Variants in DACH2 observed in about 807,000 individuals in gnomAD.
DACH2 encodes dachshund family transcription factor 2.
A neutral mutation model predicts 35.8 loss-of-function variants in DACH2; 17 were observed. The ratio of observed to expected loss-of-function variants is 0.48; its 90% CI spans 0.33 to 0.71. The LOEUF is 0.71. DACH2 is among the 30% of genes least tolerant of loss of function. The pLI, the probability that DACH2 is intolerant of heterozygous loss-of-function variation, is 0.02. For missense variants in DACH2, 469 were observed against 472.7 expected (o/e 0.99, Z 0.07); for synonymous variants, 195 against 177.3 (o/e 1.10, Z -0.79).
intron 1 of DACH2, among the ~76,000 whole-genome samples, chrX:86,242,924 G>T (rs1239740611): frequency 9.0e-6 from 1 of 111,147 alleles, no homozygotes; most frequent in Non-Finnish European, 1.9e-5. Flanking sequence ...AGTTTTCTGA[G>T]GCCTCATAGC....
intron 1 of DACH2, among the ~76,000 whole-genome samples, chrX:86,179,173 T>A (rs1180834408): frequency 8.9e-6 from 1 of 112,001 alleles, no homozygotes; most frequent in East Asian, 2.8e-4. Flanking sequence ...TAAAATTGAT[T>A]GTCTTCTAAA....
At chrX:86,530,895 G>C in intron 3 of DACH2, among the ~76,000 whole-genome samples, 1 of 111,692 alleles carries the variant, frequency 9.0e-6, no homozygotes, top group Non-Finnish European at 1.9e-5. Flanking sequence ...TCCAGGCTGA[G>C]GTGGTCTCAG....
chrX:86,280,641 A>G (rs754948543), intron 1 of DACH2, among the ~76,000 whole-genome samples: 15 of 112,561 alleles, frequency 1.3e-4, no homozygotes, highest in African/African-American at 4.8e-4. Flanking sequence ...GCCCCAATTA[A>G]AAGACACAGA....
intron 3 of DACH2, among the ~76,000 whole-genome samples, chrX:86,588,514 T>A (rs2039604552): frequency 8.9e-6 from 1 of 112,247 alleles, no homozygotes; most frequent in South Asian, 3.6e-4. Context: ...ATTTTCCATT[T>A]GTTTCTGTCA....
chrX:86,621,220 T>A (rs1158747680), intron 3 of DACH2, among the ~76,000 whole-genome samples: 8 of 111,688 alleles, frequency 7.2e-5, no homozygotes, highest in African/African-American at 2.6e-4. Flanking sequence ...CTAATTTTTT[T>A]CAAATCATTA....
At chrX:86,294,707 G>T (rs1040431804) in intron 1 of DACH2, among the ~76,000 whole-genome samples, 7 of 110,318 alleles carry the variant, frequency 6.3e-5, no homozygotes, top group South Asian at 7.8e-4. Flanking sequence ...GCCCCTGCTG[G>T]GGGGTGCCTC....
intron 3 of DACH2, among the ~76,000 whole-genome samples, chrX:86,608,651 G>A (rs770724649): frequency 9.0e-6 from 1 of 111,252 alleles, no homozygotes; most frequent in African/African-American, 3.3e-5. Context: ...AAATCCCTCA[G>A]GTTTTGTTTG....
At chrX:86,158,109 A>G (rs2030615359) in intron 1 of DACH2, among the ~76,000 whole-genome samples, 2 of 111,519 alleles carry the variant, frequency 1.8e-5, no homozygotes, top group Admixed American at 9.6e-5. Context: ...CAAAGCCTTG[A>G]TCATTCTAAA....
chrX:86,369,006 A>C (rs1238643546), intron 1 of DACH2, among the ~76,000 whole-genome samples: 2 of 111,222 alleles, frequency 1.8e-5, no homozygotes, highest in Non-Finnish European at 3.8e-5. Context: ...TACATATATA[A>C]TTTTAATGTA....
intron 5 of DACH2, among the ~76,000 whole-genome samples, chrX:86,703,242 C>T (rs772506896): frequency 9.0e-6 from 1 of 110,915 alleles, no homozygotes; most frequent in South Asian, 3.8e-4. Context: ...AAACCCTCAA[C>T]AAATTAGACA....
chrX:86,289,133 G>A (rs182516763), intron 1 of DACH2, among the ~76,000 whole-genome samples: 1 of 109,190 alleles, frequency 9.2e-6, no homozygotes, highest in Non-Finnish European at 1.9e-5. Flanking sequence ...TTCCCTTCAA[G>A]GCAGAAGTTT....
chrX:86,660,150 A>ACT (rs1385925369), intron 4 of DACH2, among the ~76,000 whole-genome samples: 1 of 110,522 alleles, frequency 9.0e-6, no homozygotes, highest in African/African-American at 3.3e-5. Flanking sequence ...CCTGCTGGGA[A>ACT]CTCTCTTCAG....
chrX:86,474,973 A>T (rs1301129681), intron 2 of DACH2, among the ~76,000 whole-genome samples: 1 of 111,282 alleles, frequency 9.0e-6, no homozygotes, highest in South Asian at 3.8e-4. Context: ...ACCTCAGGTG[A>T]TCCACCCTCC....
chrX:86,462,333 C>T (rs753035932), intron 2 of DACH2, among the ~76,000 whole-genome samples: 2 of 111,159 alleles, frequency 1.8e-5, no homozygotes, highest in African/African-American at 3.3e-5. Context: ...TTGGGAATTA[C>T]GTTGTACAAA....
chrX:86,715,415 C>T (rs186873764), intron 6 of DACH2, among the ~76,000 whole-genome samples: 1 of 110,873 alleles, frequency 9.0e-6, no homozygotes, highest in East Asian at 2.8e-4. Context: ...CTTCTTTTTC[C>T]TCTTAGTTTG....
intron 2 of DACH2, chrX:86,512,752 C>T (rs1333797631): frequency 4.0e-5 from 9 of 222,706 alleles, no homozygotes; most frequent in Middle Eastern, 6.1e-4. Flanking sequence ...GGATATATTC[C>T]GATGAACATT....
chrX:86,516,997 T>C (rs980924037), intron 3 of DACH2, among the ~76,000 whole-genome samples: 2 of 111,639 alleles, frequency 1.8e-5, no homozygotes, highest in Non-Finnish European at 3.8e-5. Context: ...TTTGCTATCA[T>C]GAATAGTGCT....
intron 3 of DACH2, among the ~76,000 whole-genome samples, chrX:86,553,665 T>C (rs898463286): frequency 6.3e-5 from 7 of 111,728 alleles, no homozygotes; most frequent in African/African-American, 2.3e-4. Flanking sequence ...ATTTTGTAGG[T>C]AGGTAGGAAA....
chrX:86,315,832 C>CAGAGAG (rs1195573552), intron 1 of DACH2, among the ~76,000 whole-genome samples: 230 of 75,415 alleles, frequency 3.0e-3, no homozygotes, highest in African/African-American at 0.013. Context: ...CACACACACA[C>CAGAGAG]ACACACACAG....
Sources: gnomAD v4.1 joint callset for allele counts (sites outside exome capture counted in the v4.1 genomes callset) on GRCh38, gnomAD v4.1.1 for gene constraint, MANE v1.5 for transcripts, NCBI Gene and HGNC (gene_info 2026-07-23, HGNC 2026-07-21) for gene names.